CAMK4: variants seen among roughly 807,000 people sequenced by gnomAD.
CAMK4 encodes calcium/calmodulin-dependent protein kinase type IV.
CAMK4 carries 22 observed loss-of-function variants against 44.9 expected under a neutral mutation model. The observed-to-expected ratio is 0.49, with a 90% confidence interval of 0.35 to 0.70. The LOEUF is 0.70. Among genes scored for constraint, CAMK4 ranks in the 30% least tolerant of loss-of-function variants. The pLI is 0.01. For missense variants in CAMK4, 498 were observed against 586.8 expected (o/e 0.85, Z 1.56); for synonymous variants, 218 against 215.4 (o/e 1.01, Z -0.11).
chr5:111,336,567 G>A (rs977328224), intron 1 of CAMK4, among the ~76,000 whole-genome samples: 1 of 150,664 alleles, frequency 6.6e-6, no homozygotes, highest in Admixed American at 6.6e-5. Flanking sequence ...TTTATTTCTA[G>A]TATACTTGTG....
intron 1 of CAMK4, among the ~76,000 whole-genome samples, chr5:111,282,609 T>G (rs1208253362): frequency 1.3e-5 from 2 of 152,232 alleles, no homozygotes; most frequent in Non-Finnish European, 2.9e-5. Context: ...TATTTTGACT[T>G]GCTAGTATAT....
intron 4 of CAMK4, among the ~76,000 whole-genome samples, chr5:111,390,297 G>C (rs1199490563): frequency 1.3e-5 from 2 of 151,942 alleles, no homozygotes; most frequent in African/African-American, 4.8e-5. Flanking sequence ...TCAATATATT[G>C]TTTCTGAATT....
At chr5:111,476,265 G>GTT (rs370347370) in intron 8 of CAMK4, among the ~76,000 whole-genome samples, 1,324 of 116,288 alleles carry the variant, frequency 0.011, 18 homozygotes, top group African/African-American at 0.045. Context: ...GTGTGTGTGT[G>GTT]TGTGTTTGTG....
intron 1 of CAMK4, among the ~76,000 whole-genome samples, chr5:111,281,720 G>C (rs1751024586): frequency 6.6e-6 from 1 of 152,190 alleles, no homozygotes; most frequent in Admixed American, 6.5e-5. Flanking sequence ...GAAGATGAAA[G>C]AATGGGCTGC....
intron 1 of CAMK4, among the ~76,000 whole-genome samples, chr5:111,314,315 A>T (rs114382344): frequency 7.6e-4 from 116 of 152,202 alleles, no homozygotes; most frequent in Admixed American, 1.4e-3. Context: ...GACCAACAGC[A>T]TATCCATATA....
At chr5:111,248,091 C>T (rs949551777) in intron 1 of CAMK4, among the ~76,000 whole-genome samples, 4 of 152,066 alleles carry the variant, frequency 2.6e-5, no homozygotes, top group East Asian at 1.9e-4. Flanking sequence ...TACTATAATT[C>T]GGTTCTATTT....
chr5:111,429,052 T>C (rs1476141535), intron 5 of CAMK4, among the ~76,000 whole-genome samples: 1 of 152,106 alleles, frequency 6.6e-6, no homozygotes, highest in African/African-American at 2.4e-5. Flanking sequence ...AATAACTTCA[T>C]ATAAACAATT....
At chr5:111,337,000 A>G (rs2112736417) in intron 1 of CAMK4, among the ~76,000 whole-genome samples, 1 of 151,026 alleles carries the variant, frequency 6.6e-6, no homozygotes, top group African/African-American at 2.4e-5. Flanking sequence ...AATTTCACCT[A>G]TTTTATTGCA....
intron 3 of CAMK4, among the ~76,000 whole-genome samples, chr5:111,376,337 A>G (rs1245032915): frequency 6.6e-6 from 1 of 151,982 alleles, no homozygotes; most frequent in Non-Finnish European, 1.5e-5. Context: ...CACTGTCACC[A>G]CTGCTTTTCT....
chr5:111,296,257 G>A (rs752303950), intron 1 of CAMK4, among the ~76,000 whole-genome samples: 6 of 152,136 alleles, frequency 3.9e-5, no homozygotes, highest in African/African-American at 9.7e-5. Context: ...TTAAGCTTCC[G>A]TTTAGGAAAT....
intron 1 of CAMK4, among the ~76,000 whole-genome samples, chr5:111,244,064 C>A (rs1580470728): frequency 6.6e-6 from 1 of 152,250 alleles, no homozygotes; most frequent in East Asian, 1.9e-4. Flanking sequence ...GAACCAGAAC[C>A]TTGGTCTTCT....
intron 5 of CAMK4, among the ~76,000 whole-genome samples, chr5:111,427,061 C>T (rs1753253194): frequency 6.6e-6 from 1 of 152,104 alleles, no homozygotes; most frequent in South Asian, 2.1e-4. Flanking sequence ...CTCCTCTAAC[C>T]CCAGGCTTAC....
chr5:111,471,036 T>G (rs1755045898), intron 7 of CAMK4, among the ~76,000 whole-genome samples: 1 of 152,248 alleles, frequency 6.6e-6, no homozygotes, highest in African/African-American at 2.4e-5. Context: ...TGGTAGCCAT[T>G]GCTTTGATTG....
At chr5:111,300,978 AT>A (rs1747694986) in intron 1 of CAMK4, among the ~76,000 whole-genome samples, 3 of 108,716 alleles carry the variant, frequency 2.8e-5, no homozygotes, top group Non-Finnish European at 2.0e-5. Context: ...GATTTTATTT[AT>A]TATTAAGAAA....
At position 111,249,141 on chromosome 5, in the gene CAMK4, G is replaced by A. The variant is rs560279669; in HGVS notation, c.161+24497G>A. On this transcript the variant is annotated intron_variant, in intron 1 of 10. Coordinates refer to ENST00000282356, the MANE Select transcript of CAMK4 (RefSeq NM_001744.6). Reference sequence around the variant, plus strand: ...CCAGATTATTTAAAAACCAGTTTGTGTGTGCAAGCATGAAAAAGTGGGCAT... The same window carrying A: ...CCAGATTATTTAAAAACCAGTTTGTATGTGCAAGCATGAAAAAGTGGGCAT... 4.6e-5 allele frequency among the ~76,000 whole-genome samples: 7 copies of A among 152,282 alleles called. No homozygotes were observed. The East Asian group carries it at 1.2e-3, about 25-fold the overall frequency.
At chr5:111,238,631 C>T (rs1360932572) in intron 1 of CAMK4, among the ~76,000 whole-genome samples, 1 of 150,966 alleles carries the variant, frequency 6.6e-6, no homozygotes, top group Non-Finnish European at 1.5e-5. Flanking sequence ...GTACCCTTTT[C>T]CCCCATTTGG....
intron 1 of CAMK4, among the ~76,000 whole-genome samples, chr5:111,331,950 C>T (rs575635203): frequency 7.3e-5 from 11 of 151,676 alleles, no homozygotes; most frequent in Non-Finnish European, 1.6e-4. Context: ...CCATAAAGTG[C>T]CTAGCACAGT....
intron 8 of CAMK4, among the ~76,000 whole-genome samples, chr5:111,475,650 A>T (rs1438381857): frequency 6.6e-6 from 1 of 152,224 alleles, no homozygotes; most frequent in Admixed American, 6.5e-5. Flanking sequence ...TCCAAAATGA[A>T]AATAACAGTG....
chr5:111,443,286 A>G (rs1454783737), intron 5 of CAMK4, among the ~76,000 whole-genome samples: 8 of 48,492 alleles, frequency 1.6e-4, no homozygotes, highest in African/African-American at 4.9e-4. Flanking sequence ...ATATACACAC[A>G]CACACACACA....
Sources: gnomAD v4.1 joint callset for allele counts (sites outside exome capture counted in the v4.1 genomes callset) on GRCh38, gnomAD v4.1.1 for gene constraint, MANE v1.5 for transcripts, NCBI Gene and HGNC (gene_info 2026-07-23, HGNC 2026-07-21) for gene names.